The following TSNARE1 variants were observed in gnomAD, a reference collection of about 807,000 sequenced individuals.
TSNARE1 encodes the protein t-SNARE domain containing 1, also known as t-SNARE domain-containing protein 1.
TSNARE1 carries 49 observed loss-of-function variants against 62.0 expected under a neutral mutation model. The ratio of observed to expected loss-of-function variants is 0.79; its 90% CI spans 0.63 to 1.00. The LOEUF (loss-of-function observed/expected upper bound fraction) is 1.00. TSNARE1 is among the 50% of genes least tolerant of loss of function. The pLI, the probability that TSNARE1 is intolerant of heterozygous loss-of-function variation, is 0.00. For synonymous variants in TSNARE1, 328 were observed against 294.4 expected (o/e 1.11, Z -1.17); for missense variants, 755 against 700.1 (o/e 1.08, Z -0.88).
chr8:142,318,921 G>A (rs1001629649), intron 6 of TSNARE1, among the ~76,000 whole-genome samples: 1 of 151,618 alleles, frequency 6.6e-6, no homozygotes, highest in Non-Finnish European at 1.5e-5. Flanking sequence ...AAAGAGGAGG[G>A]GGCCCAAGAG....
rs778605174 is a variant in TSNARE1, at chr8:142,229,511, G to A, written c.1515C>T (p.Ile505=). 1.9e-6 allele frequency: 3 copies of A among 1,614,110 alleles called. No homozygotes were observed. The highest frequency in any genetic ancestry group is 2.2e-5 in the South Asian group (2 of 91,078). The change falls in exon 13 of 14, where the codon ATC becomes ATT. Residue 505 remains isoleucine, a synonymous_variant. Transcript: ENST00000524325. ...ACTTTCGGACAGAGGTGGCGATGATGATGATGATGACAAGCAGGGCAGTGA... is the reference window on the plus strand; with the variant it reads ...ACTTTCGGACAGAGGTGGCGATGATAATGATGATGACAAGCAGGGCAGTGA... ...AGVTALLVII[I]IIATSVRK is the part of the protein sequence containing the mutation.
intron 13 of TSNARE1, among the ~76,000 whole-genome samples, chr8:142,217,898 CCAGGATCAGGGCTCAGAGTGTGAA>C (rs1815976561): frequency 7.9e-4 from 37 of 46,672 alleles, no homozygotes; most frequent in African/African-American, 1.1e-3. Context: ...CAGTGTGTGA[CCAGGATCAGGGCTCAGAGTGTGAA>C]CAGGATCAGG....
chr8:142,353,004 GTGCCCTGCCTAAGGCCCTGCA>G (rs1563973548), intron 2 of TSNARE1, among the ~76,000 whole-genome samples: 17 of 152,216 alleles, frequency 1.1e-4, no homozygotes, highest in African/African-American at 4.1e-4. Context: ...AGCTGACACC[GTGCCCTGCCTAAGGCCCTGCA>G]GGCTTCCCTG....
chr8:142,253,244 G>A (rs1338388566), intron 12 of TSNARE1, among the ~76,000 whole-genome samples: 2 of 152,202 alleles, frequency 1.3e-5, no homozygotes, highest in African/African-American at 2.4e-5. Flanking sequence ...TGGTGACGGC[G>A]GTGCCTGCAG....
chr8:142,295,999 G>C (rs1824614355), intron 10 of TSNARE1, among the ~76,000 whole-genome samples: 3 of 125,706 alleles, frequency 2.4e-5, no homozygotes, highest in South Asian at 6.2e-4. Context: ...GTCATGGGAG[G>C]GGGGAGGTCA....
At chr8:142,222,994 TCTCA>T (rs1816497574) in intron 13 of TSNARE1, among the ~76,000 whole-genome samples, 2 of 34,794 alleles carry the variant, frequency 5.7e-5, no homozygotes, top group African/African-American at 1.9e-4. Flanking sequence ...TCACTCACTC[TCTCA>T]TTCACTCATT....
At chr8:142,280,108 C>CTGGGGAGTCGGTGGGCCTGGGCGGGGT in intron 11 of TSNARE1, 1 of 1,147,398 alleles carries the variant, frequency 8.7e-7, no homozygotes, top group South Asian at 1.7e-5. Context: ...GGCAGGTGTG[C>CTGGGGAGTCGGTGGGCCTGGGCGGGGT]CCCGCAGCGC....
chr8:142,256,611 TCAC>T (rs1188048549), intron 12 of TSNARE1, among the ~76,000 whole-genome samples: 23 of 140,204 alleles, frequency 1.6e-4, no homozygotes, highest in African/African-American at 4.0e-4. Context: ...ATCACCATCA[TCAC>T]CACCACCACC....
At chr8:142,374,453 C>G (rs183667015) in intron 1 of TSNARE1, among the ~76,000 whole-genome samples, 1 of 151,366 alleles carries the variant, frequency 6.6e-6, no homozygotes, top group African/African-American at 2.4e-5. Context: ...CCGAGGTAGG[C>G]GGATCACGAG....
intron 13 of TSNARE1, among the ~76,000 whole-genome samples, chr8:142,213,730 G>T (rs1022000115): frequency 3.3e-5 from 5 of 152,206 alleles, no homozygotes; most frequent in African/African-American, 1.2e-4. Context: ...AGGGAGGCGA[G>T]GGGAGGGTGA....
At chr8:142,222,645 T>C (rs1439391035) in intron 13 of TSNARE1, among the ~76,000 whole-genome samples, 157 of 36,512 alleles carry the variant, frequency 4.3e-3, no homozygotes, top group East Asian at 5.8e-3. Context: ...CTCATTCACT[T>C]ACTCATCCAC....
At chr8:142,353,480 G>A (rs1359402811) in intron 2 of TSNARE1, among the ~76,000 whole-genome samples, 1 of 152,190 alleles carries the variant, frequency 6.6e-6, no homozygotes, top group Non-Finnish European at 1.5e-5. Context: ...GGCGCTAAGT[G>A]GTGATGGCAA....
chr8:142,319,596 C>G lies in TSNARE1; in HGVS notation c.894-962G>C, dbSNP rs1195147035. On this transcript the variant is annotated intron_variant, in intron 6 of 13. Transcript: ENST00000524325. The surrounding 1 kb of genome is among the most constrained non-coding windows in gnomAD (Gnocchi z 4.9). ...TGGAAACTGGGGAGCCTCAGTGACC[C>G]TTTCAAGTACAGCCCAAAAGGCCCC... Among the ~76,000 whole-genome samples, 4 of 152,142 alleles carry G rather than the reference C, an allele frequency of 2.6e-5. No homozygotes were observed. Among genetic ancestry groups the G allele is most frequent in the African/African-American group, 9.7e-5 (4 of 41,428 alleles).
At chr8:142,383,773 C>T (rs1009525380) in intron 1 of TSNARE1, among the ~76,000 whole-genome samples, 3 of 152,188 alleles carry the variant, frequency 2.0e-5, no homozygotes, top group Non-Finnish European at 2.9e-5. Context: ...AGTATGGCTA[C>T]GTACATATTT....
chr8:142,298,554 G>A (rs1481047083), intron 10 of TSNARE1, among the ~76,000 whole-genome samples: 5 of 152,172 alleles, frequency 3.3e-5, no homozygotes, highest in East Asian at 3.9e-4. Flanking sequence ...CCAGGAGGCT[G>A]GAGGTGGGCC....
At chr8:142,363,901 T>C (rs1159511576) in intron 1 of TSNARE1, among the ~76,000 whole-genome samples, 1 of 152,224 alleles carries the variant, frequency 6.6e-6, no homozygotes, top group East Asian at 1.9e-4. Flanking sequence ...CATAGTCTCA[T>C]GTGGAGATGT....
chr8:142,303,488 C>T (rs1484951251), intron 9 of TSNARE1, among the ~76,000 whole-genome samples: 1 of 152,224 alleles, frequency 6.6e-6, no homozygotes, highest in Admixed American at 6.5e-5. Context: ...ACCCCAGACA[C>T]CACACAGGAG....
chr8:142,265,776 G>A (rs1819105441), intron 12 of TSNARE1, among the ~76,000 whole-genome samples: 1 of 152,232 alleles, frequency 6.6e-6, no homozygotes, highest in African/African-American at 2.4e-5. Context: ...GCGGCAGGCA[G>A]TGGCATCGCG....
intron 13 of TSNARE1, among the ~76,000 whole-genome samples, chr8:142,222,472 C>T (rs200421445): frequency 0.18 from 5,173 of 28,230 alleles, 1 homozygote; most frequent in Middle Eastern, 0.26. Flanking sequence ...ATCCACTCAT[C>T]CACTCACTCA....
Sources: gnomAD v4.1 joint callset for allele counts (sites outside exome capture counted in the v4.1 genomes callset) on GRCh38, gnomAD v4.1.1 for gene constraint, Gnocchi (gnomAD v3.1) non-coding constraint, MANE v1.5 for transcripts, NCBI Gene and HGNC (gene_info 2026-07-23, HGNC 2026-07-21) for gene names.